ZFP30: variants seen among roughly 807,000 people sequenced by gnomAD.
ZFP30 encodes the protein ZFP30 zinc finger protein, also known as zinc finger protein 30 homolog.
A neutral mutation model predicts 12.3 loss-of-function variants in ZFP30; 16 were observed. The ratio of observed to expected loss-of-function variants is 1.30; its 90% CI spans 0.88 to 1.98. The LOEUF is 1.98. ZFP30 is among the 30% of genes most tolerant of loss of function. The pLI is 0.00. For synonymous variants in ZFP30, 172 were observed against 201.0 expected, an observed-to-expected ratio of 0.86 and a Z score of 1.22; for missense variants, 560 against 611.2, an observed-to-expected ratio of 0.92 and a Z score of 0.88.
At chr19:37,645,450 C>G (rs2044525064) in intron 3 of ZFP30, among the ~76,000 whole-genome samples, 1 of 151,714 alleles carries the variant, frequency 6.6e-6, no homozygotes, top group South Asian at 2.1e-4. Flanking sequence ...CATATGGTCT[C>G]TGTTCCACAT....
intron 5 of ZFP30, among the ~76,000 whole-genome samples, chr19:37,640,967 T>G (rs1187597123): frequency 6.6e-6 from 1 of 152,172 alleles, no homozygotes; most frequent in African/African-American, 2.4e-5. Context: ...AAAATTGTAC[T>G]TCTGAAAATT....
At chr19:37,646,588 C>T (rs2044548693) in intron 3 of ZFP30, among the ~76,000 whole-genome samples, 1 of 152,086 alleles carries the variant, frequency 6.6e-6, no homozygotes. Context: ...GGCAGGGTCT[C>T]ACTCTGTCAC....
At chr19:37,650,033 C>A (rs1379995896) in intron 2 of ZFP30, among the ~76,000 whole-genome samples, 1 of 151,794 alleles carries the variant, frequency 6.6e-6, no homozygotes, top group Non-Finnish European at 1.5e-5. Flanking sequence ...ATAAAATGAT[C>A]TGTGAATTGG....
Position 37,632,235 on chromosome 19 carries a change from A to C in ZFP30, c.*2746T>G, listed in dbSNP as rs2044244889. ...GAAGTCAATTTTAGTAATTTTTACCATAAAATAATTCTGGATTTTCAATAT... is the reference window on the plus strand; with the variant it reads ...GAAGTCAATTTTAGTAATTTTTACCCTAAAATAATTCTGGATTTTCAATAT... On this transcript the variant is annotated 3_prime_UTR_variant, in exon 6 of 6. Coordinates refer to ENST00000684514, the MANE Select transcript of ZFP30 (RefSeq NM_001320669.3). 6.6e-6 allele frequency: 1 copy of C among 152,052 alleles called. No individual in the cohort carries two copies. The highest frequency in any genetic ancestry group is 2.1e-4 in the South Asian group (1 of 4,832). 9.4% of individuals were successfully genotyped at this position (152,052 alleles called of 1,614,324 possible).
chr19:37,632,413 T>C lies in ZFP30; in HGVS notation c.*2568A>G, dbSNP rs936890319. 3.3e-5 allele frequency: 5 copies of C among 152,130 alleles called. No individual in the cohort carries two copies. Among genetic ancestry groups the C allele is most frequent in the African/African-American group, 1.2e-4 (5 of 41,440 alleles). 9.4% of individuals were successfully genotyped at this position (152,130 alleles called of 1,614,324 possible). On this transcript the variant is annotated 3_prime_UTR_variant, in exon 6 of 6. Transcript: ENST00000684514. Reference sequence around the variant, plus strand: ...TTCATATAGCTGTAGCTGTGTAATCTTTCATATTTCTGTGATCAAAACTGC... The same window carrying C: ...TTCATATAGCTGTAGCTGTGTAATCCTTCATATTTCTGTGATCAAAACTGC...
At chr19:37,647,756 G>T (rs2044571230) in intron 3 of ZFP30, 58 bp downstream of exon 3, 3 of 1,602,468 alleles carry the variant, frequency 1.9e-6, no homozygotes, top group Non-Finnish European at 2.6e-6. Context: ...AAATGAGAAT[G>T]TTCACATAAC....
At chr19:37,641,867 G>A (rs1430527984) in intron 5 of ZFP30, among the ~76,000 whole-genome samples, 3 of 152,070 alleles carry the variant, frequency 2.0e-5, no homozygotes, top group African/African-American at 4.8e-5. Context: ...TTTATTTGTT[G>A]AAGAACCTGT....
chr19:37,643,370 A>G lies in ZFP30; in HGVS notation c.137-7T>C. Reference sequence around the variant, plus strand: ...TTAGAAATAGAACATCCTGCTTAAAAATAAATAATAGAATATAATAAAGAA... The same window carrying G: ...TTAGAAATAGAACATCCTGCTTAAAGATAAATAATAGAATATAATAAAGAA... On this transcript the variant is annotated splice_region_variant and splice_polypyrimidine_tract_variant and intron_variant, in intron 4 of 5. Coordinates refer to ENST00000684514, the MANE Select transcript of ZFP30 (RefSeq NM_001320669.3). 2 of 1,556,072 alleles carry G rather than the reference A, an allele frequency of 1.3e-6. No individual in the cohort carries two copies. The highest frequency in any genetic ancestry group is 1.7e-6 in the Non-Finnish European group (2 of 1,150,736).
rs2044264206 is a variant in ZFP30, at chr19:37,633,284, A to G, written c.*1697T>C. The G allele has an allele frequency of 6.6e-6, 1 of 152,170 alleles. No individual in the cohort carries two copies. The highest frequency in any genetic ancestry group is 6.5e-5 in the Admixed American group (1 of 15,274). 9.4% of individuals were successfully genotyped at this position (152,170 alleles called of 1,614,324 possible). A position where few individuals can be genotyped will look rare whatever the true frequency, so the allele number is the denominator to read the frequency against. ...ACTTCCTGAATACATTATCGTCATT[A>G]TAGTGTAATTAATATTCCAATCCCA... is the stretch of plus-strand genomic sequence containing the variant. On this transcript the variant is annotated 3_prime_UTR_variant, in exon 6 of 6. Transcript: ENST00000684514.
upstream of ZFP30, chr19:37,655,940 G>A (rs1398812981): frequency 6.6e-6 from 1 of 152,410 alleles, no homozygotes; most frequent in East Asian, 1.9e-4. Context: ...GGGAGGTTTG[G>A]AGGAGGGTGG....
intron 2 of ZFP30, among the ~76,000 whole-genome samples, chr19:37,649,262 A>G (rs1459539639): frequency 6.6e-6 from 1 of 151,560 alleles, no homozygotes; most frequent in Non-Finnish European, 1.5e-5. Context: ...AAAAAAAAAA[A>G]AAGAACAAAA....
chr19:37,650,167 T>G (rs1020056952), intron 2 of ZFP30, among the ~76,000 whole-genome samples: 2 of 151,920 alleles, frequency 1.3e-5, no homozygotes, highest in African/African-American at 4.8e-5. Context: ...TCGCTCAGGC[T>G]AAAGTGCAAT....
rs1235846768 is a variant in ZFP30, at chr19:37,634,491, A to G, written c.*490T>C. ...GATCCATTATTTCATTATGTGTTAC[A>G]CAATAGTTTTTCTAATATAATTTTC... On this transcript the variant is annotated 3_prime_UTR_variant, in exon 6 of 6. Coordinates refer to ENST00000684514, the MANE Select transcript of ZFP30 (RefSeq NM_001320669.3). The G allele has an allele frequency of 1.3e-5, 2 of 153,046 alleles. No individual in the cohort carries two copies. The highest frequency in any genetic ancestry group is 4.8e-5 in the African/African-American group (2 of 41,456). 9.5% of individuals were successfully genotyped at this position (153,046 alleles called of 1,614,324 possible).
In ZFP30 at chr19:37,636,266, C is replaced by G. The variant is rs2044324517; in HGVS notation, c.275G>C (p.Gly92Ala). ...TAAGTTCATTTCATAAATATCCTTTCCTTGAAATAACTTTTTAGTGTCATA... is the reference window on the plus strand; with the variant it reads ...TAAGTTCATTTCATAAATATCCTTTGCTTGAAATAACTTTTTAGTGTCATA... ...SRYDTKKLFQ[G>A]KDIYEMNLSQ... is the part of the protein sequence containing the mutation. The change falls in exon 6 of 6, where the codon GGA becomes GCA. Residue 92 changes from glycine (G) to alanine (A), a missense_variant. Gly to Ala is a moderately conservative substitution (Grantham distance 60, BLOSUM62 0). Transcript: ENST00000684514. The G allele has an allele frequency of 3.1e-6, 5 of 1,601,882 alleles. No homozygotes were observed. In the Admixed American group the frequency reaches 8.6e-5, roughly 28 times the overall value.
chr19:37,644,799 G>A, intron 3 of ZFP30, 63 bp from the exon 4 acceptor site: 1 of 1,531,232 alleles, frequency 6.5e-7, no homozygotes, highest in Non-Finnish European at 8.8e-7. Context: ...GATGGAAGAA[G>A]GTGGCTGGGT....
rs1017696060 is a variant in ZFP30 at position 37,631,986 on chromosome 19, G to C, written c.*2995C>G. The C allele has an allele frequency of 2.6e-5, 4 of 151,870 alleles. No homozygotes were observed. Among genetic ancestry groups the C allele is most frequent in the African/African-American group, 9.7e-5 (4 of 41,352 alleles). 9.4% of individuals were successfully genotyped at this position (151,870 alleles called of 1,614,324 possible). ...TAATCAGTTTTAGGTTAGTCTTGTA[G>C]AATAGTATGTTGGAAAAATTTAGCA... On this transcript the variant is annotated 3_prime_UTR_variant, in exon 6 of 6. Transcript: ENST00000684514.
At chr19:37,642,554 T>A (rs912545121) in intron 5 of ZFP30, among the ~76,000 whole-genome samples, 28 of 152,196 alleles carry the variant, frequency 1.8e-4, no homozygotes, top group African/African-American at 5.1e-4. Flanking sequence ...ATTTACTGAT[T>A]TTATTTACTT....
Position 37,635,970 on chromosome 19 carries a change from A to C in ZFP30, c.571T>G (p.Cys191Gly). The C allele has an allele frequency of 6.2e-7, 1 of 1,614,182 alleles. No individual in the cohort carries two copies. Among genetic ancestry groups the C allele is most frequent in the Non-Finnish European group, 8.5e-7 (1 of 1,180,030 alleles). ...GCACACTGTCTAAAGGCTTTTCCAC[A>C]TTCTTTACATTCATAGGGTTTCTCA... ...TGEKPYECKE[C>G]GKAFRQCAHL... is the part of the protein sequence containing the mutation. The change falls in exon 6 of 6, where the codon TGT becomes GGT. Residue 191 changes from cysteine (C) to glycine (G), a missense_variant. Cys to Gly is a radical substitution (Grantham distance 159, BLOSUM62 -3). Coordinates refer to ENST00000684514, the MANE Select transcript of ZFP30 (RefSeq NM_001320669.3).
chr19:37,643,396 T>G, intron 4 of ZFP30, 33 bp from the exon 5 acceptor site: 1 of 1,427,792 alleles, frequency 7.0e-7, no homozygotes, highest in East Asian at 2.6e-5. Context: ...TAATAAAGAA[T>G]TTATTTAAGG....
Sources: gnomAD v4.1 joint callset for allele counts (sites outside exome capture counted in the v4.1 genomes callset) on GRCh38, gnomAD v4.1.1 for gene constraint, MANE v1.5 for transcripts, NCBI Gene and HGNC (gene_info 2026-07-23, HGNC 2026-07-21) for gene names.